Variants in SQLE observed in about 807,000 individuals in gnomAD.
SQLE encodes the protein squalene epoxidase, also known as squalene monooxygenase.
Under a neutral mutation model 60.7 loss-of-function variants are expected in SQLE, and 29 were observed. The observed-to-expected ratio is 0.48, with a 90% confidence interval of 0.36 to 0.65. The LOEUF (loss-of-function observed/expected upper bound fraction) is 0.65, where lower values mean the gene tolerates loss of function less well. Ranked by LOEUF, SQLE falls within the 30% of genes least tolerant of loss-of-function variation. SQLE has a pLI of 0.00. For synonymous variants in SQLE, 237 were observed against 246.8 expected, an observed-to-expected ratio of 0.96 and a Z score of 0.37; for missense variants, 605 against 684.1, an observed-to-expected ratio of 0.88 and a Z score of 1.29.
intron 7 of SQLE, among the ~76,000 whole-genome samples, chr8:125,014,924 T>G (rs1815089272): frequency 6.6e-6 from 1 of 152,170 alleles, no homozygotes; most frequent in Non-Finnish European, 1.5e-5. Context: ...ATTTGTTAGG[T>G]CTGTTTGGCC....
In SQLE at chr8:125,002,377, G is replaced by C. The variant is rs551520281; in HGVS notation, c.292-799G>C. Among the ~76,000 whole-genome samples, 3 of 152,206 alleles carry C rather than the reference G, an allele frequency of 2.0e-5. No individual in the cohort carries two copies. In the East Asian group the frequency reaches 5.8e-4, roughly 29 times the overall value. ...AAATCCAGAAAGAGAAAATAAAGATGAATAATGAAAATATCTAAGGCCGCA... is the reference window on the plus strand; with the variant it reads ...AAATCCAGAAAGAGAAAATAAAGATCAATAATGAAAATATCTAAGGCCGCA... On this transcript the variant is annotated intron_variant, in intron 1 of 10. Coordinates refer to ENST00000265896, the MANE Select transcript of SQLE (RefSeq NM_003129.4).
chr8:125,001,374 A>T (rs1168593792), intron 1 of SQLE, among the ~76,000 whole-genome samples: 1 of 151,690 alleles, frequency 6.6e-6, no homozygotes, highest in Non-Finnish European at 1.5e-5. Flanking sequence ...TCTATTGACT[A>T]CTAAGTTCCC....
At chr8:124,999,984 ACAAC>A (rs1411254110) in intron 1 of SQLE, 1 of 584,832 alleles carries the variant, frequency 1.7e-6, no homozygotes, top group African/African-American at 1.8e-5. Flanking sequence ...AAGGAGAAGA[ACAAC>A]CACTTTCCAT....
intron 1 of SQLE, among the ~76,000 whole-genome samples, chr8:125,000,536 C>T (rs184311754): frequency 0.011 from 1,688 of 152,296 alleles, 10 homozygotes; most frequent in South Asian, 0.02. Flanking sequence ...CTCCGCCTCC[C>T]TGGTTCAAGC....
chr8:124,998,828 T>G lies in SQLE; in HGVS notation c.-576T>G. 1 of 472,660 alleles carries G rather than the reference T, an allele frequency of 2.1e-6. No homozygotes were observed. The highest frequency in any genetic ancestry group is 3.6e-5 in the East Asian group (1 of 27,794). The allele number at this position is 472,660 out of a possible 1,614,324, so 29.3% of individuals were successfully genotyped here. ...GTCGGCGTTGGCGTTTTCCCGAGGTTGGGCTGTACAGTGTCTCCGTCCGCG... is the reference window on the plus strand; with the variant it reads ...GTCGGCGTTGGCGTTTTCCCGAGGTGGGGCTGTACAGTGTCTCCGTCCGCG... On this transcript the variant is annotated 5_prime_UTR_variant, in exon 1 of 11. Transcript: ENST00000265896.
In SQLE at chr8:124,999,109, G is replaced by A; in HGVS notation, c.-295G>A. The A allele has an allele frequency of 2.9e-6, 1 of 347,268 alleles. No homozygotes were observed. Among genetic ancestry groups the A allele is most frequent in the Non-Finnish European group, 5.1e-6 (1 of 194,718 alleles). The allele number at this position is 347,268 out of a possible 1,614,324, so 21.5% of individuals were successfully genotyped here. A position where few individuals can be genotyped will look rare whatever the true frequency, so the allele number is the denominator to read the frequency against. ...AACACCATCAAAAAAGAAAAAAAGGGAATATCTGGATTTCCTGGGCGAGGA... is the reference window on the plus strand; with the variant it reads ...AACACCATCAAAAAAGAAAAAAAGGAAATATCTGGATTTCCTGGGCGAGGA... On this transcript the variant is annotated 5_prime_UTR_variant, in exon 1 of 11. Transcript: ENST00000265896.
chr8:125,001,390 T>A (rs1421733044), intron 1 of SQLE, among the ~76,000 whole-genome samples: 5 of 151,876 alleles, frequency 3.3e-5, no homozygotes, highest in African/African-American at 1.2e-4. Flanking sequence ...TTCCCATTAG[T>A]GCTTACTCTA....
In SQLE at chr8:125,018,614, A is replaced by G; in HGVS notation, c.1348-17A>G. 3.9e-6 allele frequency: 6 copies of G among 1,537,244 alleles called. No homozygotes were observed. Among genetic ancestry groups the G allele is most frequent in the African/African-American group, 1.4e-5 (1 of 72,876 alleles). Reference sequence around the variant, plus strand: ...TTTTATCCTTACCATATAATAAATGAGCTATTTCTTTTTTAGGCCAAAAAA... The same window carrying G: ...TTTTATCCTTACCATATAATAAATGGGCTATTTCTTTTTTAGGCCAAAAAA... On this transcript the variant is annotated splice_polypyrimidine_tract_variant and intron_variant, in intron 8 of 10. Transcript: ENST00000265896.
chr8:125,019,593 T>A (rs892575835), intron 9 of SQLE, among the ~76,000 whole-genome samples: 3 of 151,880 alleles, frequency 2.0e-5, no homozygotes, highest in African/African-American at 7.3e-5. Context: ...AACAAAAAAT[T>A]AAAAGAAATG....
rs571757484 is a variant in SQLE at position 125,005,520 on chromosome 8, T to A, written c.545-5T>A. ...TTGATTGTTTTGAACTCGATTGCTTTGCAGATACAGTGGAAGGTCTTGATG... is the reference window on the plus strand; with the variant it reads ...TTGATTGTTTTGAACTCGATTGCTTAGCAGATACAGTGGAAGGTCTTGATG... On this transcript the variant is annotated splice_polypyrimidine_tract_variant and splice_region_variant and intron_variant, in intron 2 of 10. Transcript: ENST00000265896. The A allele has an allele frequency of 3.2e-6, 5 of 1,574,630 alleles. No homozygotes were observed. Among genetic ancestry groups the A allele is most frequent in the Non-Finnish European group, 4.3e-6 (5 of 1,155,500 alleles).
In SQLE at chr8:124,999,570, G is replaced by GCT. The variant is rs1471576930; in HGVS notation, c.168_169insTC (p.Gln57SerfsTer54). On this transcript the variant is annotated frameshift_variant, in exon 1 of 11. Coordinates refer to ENST00000265896, the MANE Select transcript of SQLE (RefSeq NM_003129.4). LOFTEE classifies it high-confidence loss of function. Reference sequence around the variant, plus strand: ...CACCGAAACGGGGGTCTCCTCGGGCGCCAGCAGAGCGGCTCCCAGTTCGCC... The same window carrying GCT: ...CACCGAAACGGGGGTCTCCTCGGGCGCTCCAGCAGAGCGGCTCCCAGTTCGCC... 1 of 1,613,046 alleles carries GCT rather than the reference G, an allele frequency of 6.2e-7. No individual in the cohort carries two copies. The highest frequency in any genetic ancestry group is 1.3e-5 in the African/African-American group (1 of 74,874).
chr8:125,018,512 A>G (rs886385378), intron 8 of SQLE, 119 bp from the exon 9 acceptor site: 11 of 701,068 alleles, frequency 1.6e-5, no homozygotes, highest in African/African-American at 1.3e-4. Flanking sequence ...TGATAAACAT[A>G]AGGCAATATT....
chr8:125,017,480 G>A (rs1457657689), intron 7 of SQLE, among the ~76,000 whole-genome samples: 1 of 152,034 alleles, frequency 6.6e-6, no homozygotes, highest in Non-Finnish European at 1.5e-5. Context: ...AGCTGGTGGT[G>A]AATGCTGCCA....
rs1815163013 is a variant in SQLE at position 125,019,291 on chromosome 8, TGG to T, written c.1444+565_1444+566del. 2.0e-5 allele frequency among the ~76,000 whole-genome samples: 3 copies of T among 151,696 alleles called. No homozygotes were observed. The Admixed American group carries it at 2.0e-4, about 10-fold the overall frequency. ...AACTTAGCAGAAGCAGTGTTAGAAA[TGG>T]AGGAAAAGAGGCCAGGCGAAATGAT... On this transcript the variant is annotated intron_variant, in intron 9 of 10. Transcript: ENST00000265896.
intron 5 of SQLE, 37 bp downstream of exon 5, chr8:125,009,121 G>C (rs1360560289): frequency 3.2e-6 from 5 of 1,567,492 alleles, no homozygotes; most frequent in East Asian, 4.5e-5. Context: ...TTCAATAAAA[G>C]AAACTTGAAA....
chr8:125,011,408 C>A, intron 6 of SQLE, 129 bp from the exon 7 acceptor site: 1 of 599,886 alleles, frequency 1.7e-6, no homozygotes, highest in Non-Finnish European at 2.8e-6. Flanking sequence ...TGATTTATCA[C>A]AAGGGATATA....
chr8:125,018,321 AG>A (rs1815142847), intron 8 of SQLE, 120 bp downstream of exon 8: 1 of 1,036,074 alleles, frequency 9.7e-7, no homozygotes, highest in South Asian at 1.7e-5. Flanking sequence ...AATAGCTCTT[AG>A]GCATCTTGCT....
Position 125,007,507 on chromosome 8 carries a change from A to G in SQLE, c.822+20A>G. 6.8e-7 allele frequency: 1 copy of G among 1,481,448 alleles called. No individual in the cohort carries two copies. Among genetic ancestry groups the G allele is most frequent in the Non-Finnish European group, 9.1e-7 (1 of 1,094,500 alleles). The allele number at this position is 1,481,448 out of a possible 1,614,324, so 91.8% of individuals were successfully genotyped here. On this transcript the variant is annotated intron_variant, in intron 4 of 10. Coordinates refer to ENST00000265896, the MANE Select transcript of SQLE (RefSeq NM_003129.4). ...ATCAAGGTGAGAAATACCAAATGTCACCTCTTCCTAAGAGATGTTGTTTTT... is the reference window on the plus strand; with the variant it reads ...ATCAAGGTGAGAAATACCAAATGTCGCCTCTTCCTAAGAGATGTTGTTTTT...
chr8:125,011,877 T>TTTTTTTTTTTTTTTTTTTTTTTGAG (rs1554587933), intron 7 of SQLE, among the ~76,000 whole-genome samples: 1 of 149,334 alleles, frequency 6.7e-6, no homozygotes, highest in African/African-American at 2.5e-5. Context: ...GGCAATTTTC[T>TTTTTTTTTTTTTTTTTTTTTTTGAG]ACTTAGGAAT....
Sources: allele counts gnomAD v4.1 joint callset (sites outside exome capture counted in the v4.1 genomes callset), GRCh38; gene constraint gnomAD v4.1.1; transcripts MANE v1.5; gene names NCBI Gene and HGNC (gene_info 2026-07-23, HGNC 2026-07-21).